ZNF33A: variants seen among roughly 807,000 people sequenced by gnomAD.
The protein encoded by ZNF33A is brain my041 protein.
ZNF33A carries 9 observed loss-of-function variants against 15.9 expected under a neutral mutation model. The ratio of observed to expected loss-of-function variants is 0.57; its 90% confidence interval spans 0.34 to 0.99. The LOEUF is 0.99. Among genes scored for constraint, ZNF33A ranks in the 50% least tolerant of loss-of-function variants. The pLI is 0.02. For synonymous variants in ZNF33A, 294 were observed against 324.2 expected, an observed-to-expected ratio of 0.91 and a Z score of 1.00; for missense variants, 843 against 941.6, an observed-to-expected ratio of 0.90 and a Z score of 1.37.
chr10:38,037,321 A>ATTTTTT (rs2065495278), intron 4 of ZNF33A, among the ~76,000 whole-genome samples: 1 of 122,614 alleles, frequency 8.2e-6, no homozygotes, highest in Non-Finnish European at 1.7e-5. Flanking sequence ...TGAAAAGGTA[A>ATTTTTT]TTTTTCTTTT....
At chr10:38,049,411 C>T (rs1033010767) in intron 4 of ZNF33A, among the ~76,000 whole-genome samples, 5 of 151,876 alleles carry the variant, frequency 3.3e-5, no homozygotes, top group African/African-American at 1.2e-4. Flanking sequence ...CACCTGAGGT[C>T]ATTGATTTGA....
intron 4 of ZNF33A, among the ~76,000 whole-genome samples, chr10:38,025,687 C>G (rs1016702297): frequency 1.3e-5 from 2 of 152,204 alleles, no homozygotes; most frequent in African/African-American, 4.8e-5. Flanking sequence ...GCAGCCGAAG[C>G]TAAGACATTT....
At chr10:38,039,705 T>A (rs1481712255) in intron 4 of ZNF33A, 2 of 389,898 alleles carry the variant, frequency 5.1e-6, no homozygotes, top group African/African-American at 4.3e-5. Flanking sequence ...TAATTATTTT[T>A]ATTTCTGTAA....
At position 38,055,683 on chromosome 10, in the gene ZNF33A, C is replaced by A. The variant is rs761290249; in HGVS notation, c.1559C>A (p.Thr520Lys). 5.6e-6 allele frequency: 9 copies of A among 1,613,936 alleles called. No individual in the cohort carries two copies. The highest frequency in any genetic ancestry group is 6.8e-6 in the Non-Finnish European group (8 of 1,180,000). Residue 520 changes from threonine (T) to lysine (K), a missense_variant, in exon 5 of 5, where the codon ACA (threonine) becomes AAA (lysine). By Grantham distance (78) the Thr-to-Lys change is moderately conservative. Coordinates refer to ENST00000432900, the MANE Select transcript of ZNF33A (RefSeq NM_006954.2). ...CTCACCAGGCATCAGATAATTCATA[C>A]AGGGTGGAAACCTTATGAATGTTAT... ...SLLTRHQIIH[T>K]GWKPYECYEC... is the part of the protein sequence containing the mutation.
rs779821452 is a variant in ZNF33A, at chr10:38,055,195, T to C, written c.1071T>C (p.Phe357=). The C allele has an allele frequency of 6.8e-6, 11 of 1,614,124 alleles. No homozygotes were observed. The South Asian group carries it at 1.2e-4, about 18-fold the overall frequency. ...GGGTGCACACAGGACAGAAACCCTTTCAATGTAATGAATGTGAAAAAGCTT... is the reference window on the plus strand; with the variant it reads ...GGGTGCACACAGGACAGAAACCCTTCCAATGTAATGAATGTGAAAAAGCTT... ...HQRVHTGQKP[F]QCNECEKAFW... The change falls in exon 5 of 5, where the codon TTT becomes TTC. Residue 357 remains phenylalanine (F), a synonymous_variant. Coordinates refer to ENST00000432900, the MANE Select transcript of ZNF33A (RefSeq NM_006954.2).
At chr10:38,025,524 A>ATG (rs1203752131) in intron 4 of ZNF33A, among the ~76,000 whole-genome samples, 12 of 152,232 alleles carry the variant, frequency 7.9e-5, no homozygotes, top group Admixed American at 7.8e-4. Context: ...AGGAAAGGCG[A>ATG]TGTGAATATG....
chr10:38,020,916 TTC>T (rs1487237218), intron 4 of ZNF33A, among the ~76,000 whole-genome samples: 1 of 152,202 alleles, frequency 6.6e-6, no homozygotes, highest in East Asian at 1.9e-4. Context: ...TTCCAAACTG[TTC>T]TCTTTCAGCC....
rs1056501463 is a variant in ZNF33A at position 38,058,440 on chromosome 10, A to T, written c.*1880A>T. On this transcript the variant is annotated 3_prime_UTR_variant, in exon 5 of 5. Transcript: ENST00000432900. Reference sequence around the variant, plus strand: ...ACACAAGATAGACCTCAATAGGCATATGTATCTATTAAATAAACCAAAGCA... The same window carrying T: ...ACACAAGATAGACCTCAATAGGCATTTGTATCTATTAAATAAACCAAAGCA... The T allele has an allele frequency of 6.6e-6, 1 of 152,198 alleles. No homozygotes were observed. Among genetic ancestry groups the T allele is most frequent in the Admixed American group, 6.5e-5 (1 of 15,282 alleles). The allele number at this position is 152,198 out of a possible 1,614,324, so 9.4% of individuals were successfully genotyped here.
At chr10:38,067,637 A>G (rs2066719992), downstream of ZNF33A, among the ~76,000 whole-genome samples, 1 of 152,112 alleles carries the variant, frequency 6.6e-6, no homozygotes, top group African/African-American at 2.4e-5. Context: ...CTTTTTGGAT[A>G]CACACTCCAT....
rs369670042 is a variant in ZNF33A at position 38,055,804 on chromosome 10, A to G, written c.1680A>G (p.Lys560=). Residue 560 remains lysine, a synonymous_variant, in exon 5 of 5, where the codon AAA becomes AAG. Transcript: ENST00000432900. The part of the protein sequence containing the change: ...QKPFACPECG[K]FFSHKSTLSQ... ...CCTTTGCATGTCCCGAATGTGGGAA[A>G]TTCTTTAGCCATAAGTCAACCCTCT... 3.8e-6 allele frequency: 6 copies of G among 1,587,262 alleles called. No individual in the cohort carries two copies. Among genetic ancestry groups the G allele is most frequent in the Non-Finnish European group, 4.3e-6 (5 of 1,162,564 alleles).
chr10:38,011,091 C>T (rs1377264600), intron 1 of ZNF33A, among the ~76,000 whole-genome samples: 3 of 152,200 alleles, frequency 2.0e-5, no homozygotes, highest in East Asian at 1.9e-4. Flanking sequence ...CTAGCCTGTG[C>T]GCGTGTGCTA....
intron 2 of ZNF33A, among the ~76,000 whole-genome samples, chr10:38,014,019 A>G (rs1481929937): frequency 4.2e-5 from 6 of 141,688 alleles, no homozygotes; most frequent in Non-Finnish European, 7.6e-5. Context: ...CAAAGCCCCA[A>G]ATTTAATGAT....
At chr10:38,017,080 G>A in intron 3 of ZNF33A, 65 bp downstream of exon 3, 1 of 1,564,442 alleles carries the variant, frequency 6.4e-7, no homozygotes, top group South Asian at 1.2e-5. Context: ...TGAAGCGTAT[G>A]GGCAGTCTGT....
At chr10:38,051,781 G>A (rs2066218298) in intron 4 of ZNF33A, among the ~76,000 whole-genome samples, 1 of 151,796 alleles carries the variant, frequency 6.6e-6, no homozygotes, top group African/African-American at 2.4e-5. Flanking sequence ...TATACATTCT[G>A]AGTAACTGCC....
intron 4 of ZNF33A, among the ~76,000 whole-genome samples, chr10:38,047,946 T>C (rs2066029178): frequency 3.9e-5 from 6 of 152,102 alleles, no homozygotes; most frequent in Admixed American, 3.9e-4. Context: ...ACATGTTTTA[T>C]GGAGGAACAA....
intron 4 of ZNF33A, among the ~76,000 whole-genome samples, chr10:38,032,500 T>C (rs2065255213): frequency 1.3e-5 from 2 of 152,298 alleles, no homozygotes; most frequent in African/African-American, 4.8e-5. Flanking sequence ...TGGAGTGCAG[T>C]GGCAAGGTCT....
At chr10:38,010,656 G>C (rs753491820), upstream of ZNF33A, 6 of 1,556,422 alleles carry the variant, frequency 3.9e-6, no homozygotes, top group East Asian at 2.2e-5. Context: ...CGCATGCCTC[G>C]TCCGCCGGCT....
downstream of ZNF33A, among the ~76,000 whole-genome samples, chr10:38,060,892 G>C (rs932138815): frequency 1.3e-5 from 2 of 152,092 alleles, no homozygotes; most frequent in Admixed American, 1.3e-4. Context: ...CTAAAATGCT[G>C]TTGTGCACAG....
intron 4 of ZNF33A, among the ~76,000 whole-genome samples, chr10:38,049,192 A>T (rs1355623275): frequency 1.3e-5 from 2 of 152,162 alleles, no homozygotes; most frequent in Non-Finnish European, 2.9e-5. Context: ...TTCAAAGAAG[A>T]GTTCAAAGGG....
Sources: gnomAD v4.1 joint callset for allele counts (sites outside exome capture counted in the v4.1 genomes callset) on GRCh38, gnomAD v4.1.1 for gene constraint, MANE v1.5 for transcripts, NCBI Gene and HGNC (gene_info 2026-07-23, HGNC 2026-07-21) for gene names.